Variants in CYSTM1 observed in about 807,000 individuals in gnomAD.
CYSTM1 encodes the protein cysteine-rich transmembrane module-containing protein 1.
CYSTM1 carries 4 observed loss-of-function variants against 13.1 expected under a neutral mutation model. The ratio of observed to expected loss-of-function variants is 0.31; its 90% CI spans 0.15 to 0.70. CYSTM1 has a LOEUF of 0.70. Among genes scored for constraint, CYSTM1 ranks in the 30% least tolerant of loss-of-function variants. The pLI is 0.72. For missense variants in CYSTM1, 96 were observed against 121.6 expected, an observed-to-expected ratio of 0.79 and a Z score of 0.99; for synonymous variants, 36 against 42.7, an observed-to-expected ratio of 0.84 and a Z score of 0.62.
chr5:140,188,303 G>T (rs1764046778), intron 1 of CYSTM1, among the ~76,000 whole-genome samples: 1 of 151,884 alleles, frequency 6.6e-6, no homozygotes, highest in Non-Finnish European at 1.5e-5. Context: ...AACCAGGCTG[G>T]TCTTGAACTC....
intron 1 of CYSTM1, among the ~76,000 whole-genome samples, chr5:140,189,278 G>C (rs1293119977): frequency 2.0e-5 from 3 of 152,224 alleles, no homozygotes; most frequent in Admixed American, 6.5e-5. Flanking sequence ...CACTCTATTA[G>C]TCAAGTGAGA....
intron 2 of CYSTM1, among the ~76,000 whole-genome samples, chr5:140,222,332 C>T (rs941799356): frequency 2.6e-5 from 4 of 152,226 alleles, no homozygotes; most frequent in African/African-American, 9.6e-5. Flanking sequence ...AAGTATATTT[C>T]TGAAATGCCT....
At position 140,233,483 on chromosome 5, in the gene CYSTM1, C is replaced by G. The variant is rs527598111; in HGVS notation, c.188-9822C>G. Among the ~76,000 whole-genome samples the G allele has an allele frequency of 1.1e-4, 16 of 152,228 alleles. No homozygotes were observed. The South Asian group carries it at 3.1e-3, about 30-fold the overall frequency. On this transcript the variant is annotated intron_variant, in intron 2 of 2. Coordinates refer to ENST00000261811, the MANE Select transcript of CYSTM1 (RefSeq NM_032412.4). ...TTGACGTTCAGGTTTTTGTGTGAAC[C>G]TAAGTTTTCATTTCTCTAAGCTGAA...
rs537678019 is a variant in CYSTM1, at chr5:140,220,112, A to G, written c.188-23193A>G. ...GTTTTTGGTTTCTAAGTCATTTCCT[A>G]TCTCTGTTTCACTCTTACCTTTTCT... On this transcript the variant is annotated intron_variant, in intron 2 of 2. Coordinates refer to ENST00000261811, the MANE Select transcript of CYSTM1 (RefSeq NM_032412.4). 5.3e-5 allele frequency among the ~76,000 whole-genome samples: 8 copies of G among 152,226 alleles called. No homozygotes were observed. The South Asian group carries it at 6.2e-4, about 12-fold the overall frequency.
chr5:140,234,912 G>GT (rs1215718911), intron 2 of CYSTM1, among the ~76,000 whole-genome samples: 2 of 151,962 alleles, frequency 1.3e-5, no homozygotes, highest in East Asian at 3.8e-4. Flanking sequence ...GCATGATTAG[G>GT]TTTTTTCTCT....
At chr5:140,200,600 G>A (rs1163701933) in intron 2 of CYSTM1, 29 of 112,714 alleles carry the variant, frequency 2.6e-4, no homozygotes, top group African/African-American at 8.0e-4. Flanking sequence ...TCACTCTGTC[G>A]CCCAGGCTGG....
In CYSTM1 at chr5:140,230,338, A is replaced by T. The variant is rs1764604903; in HGVS notation, c.188-12967A>T. 6.6e-6 allele frequency among the ~76,000 whole-genome samples: 1 copy of T among 152,208 alleles called. No homozygotes were observed. Among genetic ancestry groups the T allele is most frequent in the South Asian group, 2.1e-4 (1 of 4,832 alleles). On this transcript the variant is annotated intron_variant, in intron 2 of 2. Coordinates refer to ENST00000261811, the MANE Select transcript of CYSTM1 (RefSeq NM_032412.4). This position sits in a 1 kb window ranked among gnomAD's most constrained non-coding sequence, Gnocchi z 4.1. Reference sequence around the variant, plus strand: ...TTCCATGACACTGGGTTTTTGAGAAAAGAAATGCTTTTATTATAAGTTAAC... The same window carrying T: ...TTCCATGACACTGGGTTTTTGAGAATAGAAATGCTTTTATTATAAGTTAAC...
chr5:140,178,996 G>A (rs996751089), intron 1 of CYSTM1, among the ~76,000 whole-genome samples: 2 of 151,944 alleles, frequency 1.3e-5, no homozygotes, highest in African/African-American at 4.8e-5. Context: ...CTGAGGCCCG[G>A]TGCGGTAATC....
At chr5:140,183,902 A>C (rs757118953) in intron 1 of CYSTM1, among the ~76,000 whole-genome samples, 13 of 152,204 alleles carry the variant, frequency 8.5e-5, no homozygotes, top group Non-Finnish European at 1.8e-4. Flanking sequence ...CCCAGGTAGC[A>C]ACTGGACCAA....
At chr5:140,241,958 C>T (rs999185534) in intron 2 of CYSTM1, among the ~76,000 whole-genome samples, 26 of 152,220 alleles carry the variant, frequency 1.7e-4, no homozygotes, top group African/African-American at 3.6e-4. Context: ...GCCTCTGCCT[C>T]GTCACATGTG....
intron 1 of CYSTM1, among the ~76,000 whole-genome samples, chr5:140,181,192 T>C (rs938186724): frequency 6.6e-6 from 1 of 152,160 alleles, no homozygotes; most frequent in East Asian, 1.9e-4. Context: ...GGGGAGAAAG[T>C]GTGTGAAGAG....
In CYSTM1 at chr5:140,194,663, C is replaced by T. The variant is rs1007049107; in HGVS notation, c.187+11C>T. The T allele has an allele frequency of 9.3e-6, 15 of 1,606,264 alleles. No individual in the cohort carries two copies. The highest frequency in any genetic ancestry group is 1.3e-5 in the African/African-American group (1 of 74,476). ...CTCCTAAAACCACAGGTGTGTGTCT[C>T]TGAATATGTGGGTGTGCAGTCCCGT... is the stretch of plus-strand genomic sequence containing the variant. On this transcript the variant is annotated intron_variant, in intron 2 of 2. Coordinates refer to ENST00000261811, the MANE Select transcript of CYSTM1 (RefSeq NM_032412.4).
At chr5:140,194,710 A>G in intron 2 of CYSTM1, 58 bp downstream of exon 2, 1 of 1,533,464 alleles carries the variant, frequency 6.5e-7, no homozygotes, top group Non-Finnish European at 8.7e-7. Context: ...AAATGTTTGC[A>G]TGTTTTCTTT....
chr5:140,224,233 G>A (rs1162744468), intron 2 of CYSTM1, among the ~76,000 whole-genome samples: 5 of 152,098 alleles, frequency 3.3e-5, no homozygotes, highest in African/African-American at 4.8e-5. Flanking sequence ...TCTGCCTCCC[G>A]GGTTCAAGCG....
chr5:140,181,546 G>T (rs1160708868), intron 1 of CYSTM1, among the ~76,000 whole-genome samples: 1 of 152,210 alleles, frequency 6.6e-6, no homozygotes, highest in Non-Finnish European at 1.5e-5. Context: ...TGCATGGCAT[G>T]ATCATAGCTC....
At chr5:140,184,253 A>C (rs1294735436) in intron 1 of CYSTM1, among the ~76,000 whole-genome samples, 1 of 152,204 alleles carries the variant, frequency 6.6e-6, no homozygotes, top group Non-Finnish European at 1.5e-5. Context: ...TCATATCAGC[A>C]CAGGTAGTTC....
chr5:140,231,096 G>A (rs1011983030), intron 2 of CYSTM1, among the ~76,000 whole-genome samples: 9 of 152,164 alleles, frequency 5.9e-5, no homozygotes, highest in Non-Finnish European at 1.5e-5. Flanking sequence ...CCATGAACAA[G>A]TAATCTCTCA....
chr5:140,243,535 G>C lies in CYSTM1; in HGVS notation c.*124G>C. On this transcript the variant is annotated 3_prime_UTR_variant, in exon 3 of 3. Transcript: ENST00000261811. ...CTTTGCACAGACACCTCTACCTTCAGCACTATGGGATTCTAGATTAATGGG... is the reference window on the plus strand; with the variant it reads ...CTTTGCACAGACACCTCTACCTTCACCACTATGGGATTCTAGATTAATGGG... 1 of 673,780 alleles carries C rather than the reference G, an allele frequency of 1.5e-6. No individual in the cohort carries two copies. The highest frequency in any genetic ancestry group is 2.5e-6 in the Non-Finnish European group (1 of 405,094). 41.7% of individuals were successfully genotyped at this position (673,780 alleles called of 1,614,324 possible). A position where few individuals can be genotyped will look rare whatever the true frequency, so the allele number is the denominator to read the frequency against.
chr5:140,198,448 G>A (rs1764180908), intron 2 of CYSTM1, among the ~76,000 whole-genome samples: 2 of 152,184 alleles, frequency 1.3e-5, no homozygotes, highest in East Asian at 3.9e-4. Context: ...GTAGGGTCTT[G>A]GTTTGCCTCC....
Sources: allele counts gnomAD v4.1 joint callset (sites outside exome capture counted in the v4.1 genomes callset), GRCh38; gene constraint gnomAD v4.1.1; non-coding constraint Gnocchi (gnomAD v3.1); transcripts MANE v1.5; gene names NCBI Gene and HGNC (gene_info 2026-07-23, HGNC 2026-07-21).